GCNA: variants seen among roughly 807,000 people sequenced by gnomAD.
GCNA encodes germ cell nuclear acidic protein.
In GCNA, 3 loss-of-function variants were observed where a neutral mutation model predicts 38.8. That is an observed-to-expected ratio of 0.08 (90% CI 0.04 to 0.20). The LOEUF is 0.20. Ranked by LOEUF, GCNA falls within the 10% of genes least tolerant of loss-of-function variation. The pLI is 1.00. For missense variants in GCNA, 446 were observed against 578.6 expected (o/e 0.77, Z 2.35); for synonymous variants, 195 against 240.2 (o/e 0.81, Z 1.74).
chrX:71,613,006 G>A lies in GCNA; in HGVS notation c.*24G>A, dbSNP rs750407205. On this transcript the variant is annotated 3_prime_UTR_variant, in exon 13 of 13. Transcript: ENST00000373696. ...GACCATTTGCTGTGTATGTGCAGAA[G>A]TATTATAGAAAAATTATGCAGGAGA... The A allele has an allele frequency of 5.0e-6, 6 of 1,204,706 alleles. No individual in the cohort carries two copies. The highest frequency in any genetic ancestry group is 2.2e-5 in the Admixed American group (1 of 45,490).
In GCNA at chrX:71,597,944, A is replaced by G. The variant is rs749784578; in HGVS notation, c.222-6A>G. 8.4e-7 allele frequency: 1 copy of G among 1,193,564 alleles called. No individual in the cohort carries two copies. On this transcript the variant is annotated splice_region_variant and splice_polypyrimidine_tract_variant and intron_variant, in intron 6 of 12. Transcript: ENST00000373696. Reference sequence around the variant, plus strand: ...TCTCTTGTTTTTCTCCTGTTTCATCACTCAGCTCCGTGGTAGTGATTGACT... The same window carrying G: ...TCTCTTGTTTTTCTCCTGTTTCATCGCTCAGCTCCGTGGTAGTGATTGACT...
intron 11 of GCNA, 44 bp from the exon 12 acceptor site, chrX:71,612,311 G>GT: frequency 1.8e-6 from 1 of 567,674 alleles, no homozygotes; most frequent in South Asian, 4.3e-5. Context: ...AAAAAAAAGA[G>GT]GATTGGTTTT....
chrX:71,608,946 A>G (rs1301161637), intron 9 of GCNA, 27 bp from the exon 10 acceptor site: 1 of 1,200,565 alleles, frequency 8.3e-7, no homozygotes, highest in African/African-American at 1.8e-5. Context: ...TTAGCTACAT[A>G]AACCTCAGTT....
intron 7 of GCNA, among the ~76,000 whole-genome samples, chrX:71,599,780 G>A (rs765988689): frequency 2.5e-4 from 28 of 112,137 alleles, no homozygotes; most frequent in Non-Finnish European, 4.7e-4. Context: ...CGTAAGCAGT[G>A]TGTCCCTACT....
chrX:71,581,194 G>GT (rs1300639817), intron 2 of GCNA, among the ~76,000 whole-genome samples: 1 of 112,357 alleles, frequency 8.9e-6, no homozygotes, highest in Admixed American at 9.4e-5. Context: ...TTCCACGCCA[G>GT]TATCGATAGT....
At chrX:71,588,717 C>T (rs759711692) in intron 2 of GCNA, among the ~76,000 whole-genome samples, 16 of 110,843 alleles carry the variant, frequency 1.4e-4, no homozygotes, top group Non-Finnish European at 3.0e-4. Flanking sequence ...ATCCCAGCTA[C>T]TCCACAGGCT....
At position 71,604,231 on chromosome X, in the gene GCNA, G is replaced by C. The variant is rs1602181928; in HGVS notation, c.954G>C (p.Lys318Asn). ...KSDDSDVPEDKSDDSDVPDDN... is the reference protein window; with the variant it reads ...KSDDSDVPEDNSDDSDVPDDN... ...ATGATTCGGATGTTCCCGAAGACAA[G>C]AGTGATGATTCGGATGTTCCCGATG... Residue 318 changes from lysine (K) to asparagine (N), a missense_variant, in exon 8 of 13, where the codon AAG becomes AAC. Lys to Asn is a moderately conservative substitution (Grantham distance 94). Coordinates refer to ENST00000373696, the MANE Select transcript of GCNA (RefSeq NM_052957.5). 1 of 1,212,226 alleles carries C rather than the reference G, an allele frequency of 8.2e-7. No homozygotes were observed. Among genetic ancestry groups the C allele is most frequent in the Non-Finnish European group, 1.1e-6 (1 of 895,552 alleles).
intron 2 of GCNA, among the ~76,000 whole-genome samples, chrX:71,584,989 A>T (rs986512599): frequency 6.3e-5 from 7 of 111,033 alleles, no homozygotes; most frequent in African/African-American, 2.3e-4. Flanking sequence ...TTACTGATTC[A>T]GTCTCCTGAA....
rs770607439 is a variant in GCNA at position 71,604,474 on chromosome X, T to C, written c.1197T>C (p.Thr399=). The C allele has an allele frequency of 8.3e-7, 1 of 1,202,860 alleles. No homozygotes were observed. Among genetic ancestry groups the C allele is most frequent in the Non-Finnish European group, 1.1e-6 (1 of 891,546 alleles). The change falls in exon 8 of 13, where the codon ACT becomes ACC. Residue 399 remains threonine, a synonymous_variant. Coordinates refer to ENST00000373696, the MANE Select transcript of GCNA (RefSeq NM_052957.5). The stretch of plus-strand genomic sequence containing the variant: ...AAGTTTCAGAGAGAAAGCTGCCAAC[T>C]GAGGAAGAGCCTGCACCTGTGGTGG... ...NPEVSERKLP[T]EEEPAPVVEQ... is the part of the protein sequence containing the mutation.
intron 10 of GCNA, 39 bp from the exon 11 acceptor site, chrX:71,610,642 A>C (rs1168924878): frequency 1.7e-6 from 2 of 1,194,972 alleles, no homozygotes; most frequent in East Asian, 3.0e-5. Context: ...AAAACCCAAA[A>C]CAGCTTTCTG....
Position 71,612,366 on chromosome X carries a change from G to A in GCNA, c.1762G>A (p.Asp588Asn), listed in dbSNP as rs1335883562. ...KVCDSADRIR[D>N]TLIHEMCHAA... ...ATTCTTCTTTCAAGACCGAATCCGG[G>A]ATACCTTGATCCATGAAATGTGCCA... is the stretch of plus-strand genomic sequence containing the variant. Residue 588 changes from aspartate to asparagine, a missense_variant, in exon 12 of 13, where the codon GAT becomes AAT. By Grantham distance (23) the Asp-to-Asn change is conservative. Transcript: ENST00000373696. 8.3e-7 allele frequency: 1 copy of A among 1,202,405 alleles called. No homozygotes were observed. Among genetic ancestry groups the A allele is most frequent in the Non-Finnish European group, 1.1e-6 (1 of 890,207 alleles).
At chrX:71,597,233 ATG>A (rs2040678378) in intron 6 of GCNA, among the ~76,000 whole-genome samples, 1 of 112,061 alleles carries the variant, frequency 8.9e-6, no homozygotes, top group Non-Finnish European at 1.9e-5. Flanking sequence ...GCAGATGAAC[ATG>A]TGTGTCTGTA....
chrX:71,586,946 T>C (rs2040589860), intron 2 of GCNA, among the ~76,000 whole-genome samples: 1 of 111,881 alleles, frequency 8.9e-6, no homozygotes, highest in African/African-American at 3.2e-5. Context: ...ATATCCAAGG[T>C]GTCAAGTAGA....
chrX:71,595,257 G>A (rs868822911), intron 6 of GCNA, among the ~76,000 whole-genome samples: 1 of 111,100 alleles, frequency 9.0e-6, no homozygotes, highest in African/African-American at 3.3e-5. Flanking sequence ...CACCATGCCC[G>A]GCTAATTTTT....
In GCNA at chrX:71,613,101, A is replaced by G. The variant is rs1039382228; in HGVS notation, c.*119A>G. The G allele has an allele frequency of 6.9e-5, 68 of 987,291 alleles. No individual in the cohort carries two copies. Among genetic ancestry groups the G allele is most frequent in the Non-Finnish European group, 9.5e-5 (68 of 716,349 alleles). 81.4% of individuals were successfully genotyped at this position (987,291 alleles called of 1,213,427 possible). A position where few individuals can be genotyped will look rare whatever the true frequency, so the allele number is the denominator to read the frequency against. On this transcript the variant is annotated 3_prime_UTR_variant, in exon 13 of 13. Coordinates refer to ENST00000373696, the MANE Select transcript of GCNA (RefSeq NM_052957.5). ...AATTACAAGGCAATGAAGAATTCTT[A>G]AGGTTATCTTAGAGTATATTAATGT...
intron 2 of GCNA, among the ~76,000 whole-genome samples, chrX:71,586,044 C>T (rs1293132541): frequency 9.2e-6 from 1 of 109,085 alleles, no homozygotes; most frequent in East Asian, 2.8e-4. Context: ...GTGTGATAAA[C>T]GCTGCGAAGG....
chrX:71,600,622 T>G (rs993737381), intron 7 of GCNA, among the ~76,000 whole-genome samples: 2 of 112,055 alleles, frequency 1.8e-5, no homozygotes, highest in East Asian at 5.6e-4. Flanking sequence ...CTGTCACTGC[T>G]CTCAGTGAAA....
chrX:71,610,626 A>AAC (rs1469119020), intron 10 of GCNA, 55 bp from the exon 11 acceptor site: 1 of 1,183,285 alleles, frequency 8.5e-7, no homozygotes, highest in African/African-American at 1.8e-5. Flanking sequence ...AAAACAAAAA[A>AAC]ACAAAAAAAC....
At chrX:71,583,259 T>G (rs1046314812) in intron 2 of GCNA, among the ~76,000 whole-genome samples, 5 of 112,138 alleles carry the variant, frequency 4.5e-5, no homozygotes. Context: ...CTCACTGCTG[T>G]TTTCAGAGTT....
Sources: allele counts gnomAD v4.1 joint callset (sites outside exome capture counted in the v4.1 genomes callset), GRCh38; gene constraint gnomAD v4.1.1; transcripts MANE v1.5; gene names NCBI Gene and HGNC (gene_info 2026-07-23, HGNC 2026-07-21).